NKAIN3: variants seen among roughly 807,000 people sequenced by gnomAD.
NKAIN3 encodes the protein sodium/potassium transporting ATPase interacting 3.
NKAIN3 carries 25 observed loss-of-function variants against 30.2 expected under a neutral mutation model. That is an observed-to-expected ratio of 0.83 (90% CI 0.60 to 1.16). The LOEUF is 1.16. Ranked by LOEUF, NKAIN3 falls within the 50% of genes most tolerant of loss-of-function variation. The pLI is 0.00. For synonymous variants in NKAIN3, 91 were observed against 89.6 expected (o/e 1.02, Z -0.09); for missense variants, 225 against 254.1 (o/e 0.89, Z 0.78).
intron 3 of NKAIN3, among the ~76,000 whole-genome samples, chr8:62,692,134 G>A (rs895263632): frequency 6.6e-6 from 1 of 152,174 alleles, no homozygotes; most frequent in Admixed American, 6.5e-5. Flanking sequence ...TTGAAGCCTA[G>A]TCTTGAGCTG....
At chr8:62,437,349 G>A (rs1451839) in intron 1 of NKAIN3, among the ~76,000 whole-genome samples, 1 of 152,062 alleles carries the variant, frequency 6.6e-6, no homozygotes. Flanking sequence ...TAACATAAAC[G>A]TTAACACGGA....
intron 1 of NKAIN3, among the ~76,000 whole-genome samples, chr8:62,331,187 T>G (rs1349226440): frequency 1.4e-5 from 2 of 143,862 alleles, no homozygotes; most frequent in Non-Finnish European, 3.0e-5. Context: ...TATAGCCATA[T>G]TAAACTACTG....
intron 5 of NKAIN3, among the ~76,000 whole-genome samples, chr8:62,923,039 A>G (rs1026893120): frequency 1.3e-5 from 2 of 152,112 alleles, no homozygotes; most frequent in African/African-American, 2.4e-5. Context: ...GCTCAACCCT[A>G]TAATCTCAGC....
At chr8:62,322,669 C>G (rs571271816) in intron 1 of NKAIN3, among the ~76,000 whole-genome samples, 2 of 152,176 alleles carry the variant, frequency 1.3e-5, no homozygotes, top group South Asian at 4.2e-4. Flanking sequence ...TGTGAGGGAC[C>G]TATTCTAAGT....
chr8:62,384,552 T>C (rs1196421142), intron 1 of NKAIN3, among the ~76,000 whole-genome samples: 1 of 152,164 alleles, frequency 6.6e-6, no homozygotes, highest in Non-Finnish European at 1.5e-5. Context: ...TTCAAATTAT[T>C]GCAAATCTCA....
chr8:62,689,133 G>A (rs775437994), intron 3 of NKAIN3, among the ~76,000 whole-genome samples: 23 of 151,894 alleles, frequency 1.5e-4, no homozygotes, highest in South Asian at 2.1e-4. Flanking sequence ...ATTTCCTTTT[G>A]GAAACTTATT....
At chr8:62,342,199 T>TTA (rs1233147601) in intron 1 of NKAIN3, among the ~76,000 whole-genome samples, 2 of 120,664 alleles carry the variant, frequency 1.7e-5, no homozygotes, top group Admixed American at 1.9e-4. Flanking sequence ...GGCTCAAATT[T>TTA]TAAAACTTAA....
At chr8:62,419,570 A>G (rs1303785589) in intron 1 of NKAIN3, among the ~76,000 whole-genome samples, 1 of 152,198 alleles carries the variant, frequency 6.6e-6, no homozygotes, top group African/African-American at 2.4e-5. Context: ...TGCTGCTAAT[A>G]GGTTGTACAT....
intron 3 of NKAIN3, among the ~76,000 whole-genome samples, chr8:62,647,856 C>T (rs1812512778): frequency 6.6e-6 from 1 of 152,120 alleles, no homozygotes; most frequent in Non-Finnish European, 1.5e-5. Context: ...ATTGATGTTT[C>T]AAAGAAACTG....
At chr8:62,959,431 A>AGG (rs1554596777) in intron 6 of NKAIN3, among the ~76,000 whole-genome samples, 5 of 74,818 alleles carry the variant, frequency 6.7e-5, no homozygotes, top group Non-Finnish European at 9.8e-5. Context: ...AGGACAAATC[A>AGG]GGGTGTGTGT....
chr8:62,311,760 G>C (rs1473141480), intron 1 of NKAIN3, among the ~76,000 whole-genome samples: 2 of 150,446 alleles, frequency 1.3e-5, no homozygotes, highest in Non-Finnish European at 2.9e-5. Flanking sequence ...ACTTTGGGAG[G>C]ATGAGTTTCA....
At chr8:62,503,447 T>G (rs1312570888) in intron 1 of NKAIN3, among the ~76,000 whole-genome samples, 1 of 152,172 alleles carries the variant, frequency 6.6e-6, no homozygotes, top group Non-Finnish European at 1.5e-5. Flanking sequence ...ACATATTGTC[T>G]TGATAAACAT....
At chr8:62,955,212 C>A (rs757475500) in intron 6 of NKAIN3, among the ~76,000 whole-genome samples, 14 of 152,116 alleles carry the variant, frequency 9.2e-5, no homozygotes, top group Admixed American at 2.6e-4. Flanking sequence ...CAGCACTGTG[C>A]CTGTCACATG....
chr8:62,800,082 T>C (rs542241589), intron 4 of NKAIN3, among the ~76,000 whole-genome samples: 1 of 152,244 alleles, frequency 6.6e-6, no homozygotes, highest in African/African-American at 2.4e-5. Context: ...GATAAAAGAC[T>C]ATAAATTGGG....
intron 3 of NKAIN3, among the ~76,000 whole-genome samples, chr8:62,611,943 C>A (rs1237953128): frequency 6.6e-6 from 1 of 152,034 alleles, no homozygotes; most frequent in Non-Finnish European, 1.5e-5. Flanking sequence ...ACATCCTTGC[C>A]AGCATTTGTT....
chr8:62,920,260 TCAAACAACAAC>T (rs1563628445), intron 5 of NKAIN3, among the ~76,000 whole-genome samples: 4 of 152,206 alleles, frequency 2.6e-5, no homozygotes, highest in Non-Finnish European at 5.9e-5. Context: ...TGAGTAGTTA[TCAAACAACAAC>T]AACATCCAAA....
intron 1 of NKAIN3, among the ~76,000 whole-genome samples, chr8:62,362,114 G>A (rs925310332): frequency 1.3e-5 from 2 of 152,162 alleles, no homozygotes; most frequent in East Asian, 3.8e-4. Flanking sequence ...TAGTACAGGA[G>A]CAGACAGAGA....
chr8:62,493,679 G>A (rs1409951926), intron 1 of NKAIN3, among the ~76,000 whole-genome samples: 2 of 151,996 alleles, frequency 1.3e-5, no homozygotes, highest in African/African-American at 4.8e-5. Context: ...TCATTTGTTT[G>A]TGTCATCTCC....
chr8:62,573,920 A>G (rs1412827789), intron 1 of NKAIN3, among the ~76,000 whole-genome samples: 1 of 152,166 alleles, frequency 6.6e-6, no homozygotes, highest in African/African-American at 2.4e-5. Flanking sequence ...TAAAATGTAC[A>G]ATTAAATTAT....
Sources: allele counts gnomAD v4.1 joint callset (sites outside exome capture counted in the v4.1 genomes callset), GRCh38; gene constraint gnomAD v4.1.1; transcripts MANE v1.5; gene names NCBI Gene and HGNC (gene_info 2026-07-23, HGNC 2026-07-21).